Variants in KCNIP4 observed in about 807,000 individuals in gnomAD.
The protein encoded by KCNIP4 is potassium voltage-gated channel interacting protein 4.
KCNIP4 carries 12 observed loss-of-function variants against 34.0 expected under a neutral mutation model. That is an observed-to-expected ratio of 0.35 (90% CI 0.23 to 0.57). KCNIP4 has a LOEUF of 0.57. Ranked by LOEUF, KCNIP4 falls within the 20% of genes least tolerant of loss-of-function variation. KCNIP4 has a pLI of 0.83. For missense variants in KCNIP4, 238 were observed against 311.7 expected, an observed-to-expected ratio of 0.76 and a Z score of 1.78; for synonymous variants, 124 against 102.2, an observed-to-expected ratio of 1.21 and a Z score of -1.29.
At chr4:21,149,354 T>A (rs182402736) in intron 1 of KCNIP4, among the ~76,000 whole-genome samples, 19 of 152,326 alleles carry the variant, frequency 1.2e-4, no homozygotes, top group Non-Finnish European at 1.5e-5. Context: ...ACCACATAAC[T>A]GGAGCTTTAG....
intron 1 of KCNIP4, among the ~76,000 whole-genome samples, chr4:21,191,022 G>A (rs1388784127): frequency 3.3e-5 from 5 of 152,164 alleles, no homozygotes; most frequent in Non-Finnish European, 7.3e-5. Context: ...GAAAATAATA[G>A]CATTACACTG....
chr4:21,112,616 G>C (rs1050013765), intron 1 of KCNIP4, among the ~76,000 whole-genome samples: 3 of 152,184 alleles, frequency 2.0e-5, no homozygotes, highest in African/African-American at 7.2e-5. Context: ...ACTGTCTACT[G>C]GTAAATGGTT....
At chr4:21,347,905 G>C (rs975111971) in intron 1 of KCNIP4, among the ~76,000 whole-genome samples, 1 of 152,154 alleles carries the variant, frequency 6.6e-6, no homozygotes, top group Non-Finnish European at 1.5e-5. Flanking sequence ...CCATCTACAT[G>C]ATAGAATCAG....
At chr4:21,061,825 A>C (rs906683905) in intron 1 of KCNIP4, among the ~76,000 whole-genome samples, 2 of 152,118 alleles carry the variant, frequency 1.3e-5, no homozygotes, top group Non-Finnish European at 2.9e-5. Context: ...TTAAGTTAAA[A>C]TAGAGTCTTT....
In KCNIP4 at chr4:21,197,200, T is replaced by C. The variant is rs11723943; in HGVS notation, c.62-314491A>G. On this transcript the variant is annotated intron_variant, in intron 1 of 8. Coordinates refer to ENST00000382152, the MANE Select transcript of KCNIP4 (RefSeq NM_025221.6). ...GTTTCTAATATTTGGTTATTGTGAA[T>C]ATTAACTATTGCGAACATTCTTGCA... 6.9e-3 allele frequency among the ~76,000 whole-genome samples: 1,046 copies of C among 152,332 alleles called. 10 individuals carry two copies. The highest frequency in any genetic ancestry group is 0.016 in the East Asian group (83 of 5,190).
At chr4:21,072,689 C>T (rs1259386960) in intron 1 of KCNIP4, among the ~76,000 whole-genome samples, 1 of 152,076 alleles carries the variant, frequency 6.6e-6, no homozygotes, top group African/African-American at 2.4e-5. Flanking sequence ...GTTGCCATTG[C>T]TTTTCGTGTT....
At chr4:21,551,492 G>A (rs1483790727) in intron 1 of KCNIP4, among the ~76,000 whole-genome samples, 1 of 152,110 alleles carries the variant, frequency 6.6e-6, no homozygotes, top group Non-Finnish European at 1.5e-5. Context: ...TCATAGAAAT[G>A]TGACAGTCCA....
chr4:21,309,556 CAT>C (rs1359489821), intron 1 of KCNIP4, among the ~76,000 whole-genome samples: 1 of 152,164 alleles, frequency 6.6e-6, no homozygotes, highest in Admixed American at 6.5e-5. Flanking sequence ...GATAATAGCT[CAT>C]GTGTGTAGAA....
Position 21,415,424 on chromosome 4 carries a change from A to G in KCNIP4, c.62-532715T>C, listed in dbSNP as rs189399161. Among the ~76,000 whole-genome samples the G allele has an allele frequency of 7.9e-5, 12 of 152,148 alleles. No homozygotes were observed. The East Asian group carries it at 2.3e-3, about 29-fold the overall frequency. On this transcript the variant is annotated intron_variant, in intron 1 of 8. Coordinates refer to ENST00000382152, the MANE Select transcript of KCNIP4 (RefSeq NM_025221.6). ...ATAATATTGCACAACTAAATATTGC[A>G]TATTTAAAAAGGTAAGGGACACATT...
At chr4:20,992,409 C>A (rs538955144) in intron 1 of KCNIP4, among the ~76,000 whole-genome samples, 2 of 152,056 alleles carry the variant, frequency 1.3e-5, no homozygotes, top group African/African-American at 4.8e-5. Flanking sequence ...CACCTGGTCC[C>A]GCCCTTGACA....
chr4:20,838,330 A>G (rs1483817375), intron 3 of KCNIP4, among the ~76,000 whole-genome samples: 35 of 152,226 alleles, frequency 2.3e-4, no homozygotes, highest in Admixed American at 2.3e-3. Context: ...CTAAAACAAA[A>G]AAATGTCTTA....
chr4:20,845,222 T>A (rs1720218710), intron 3 of KCNIP4, among the ~76,000 whole-genome samples: 1 of 152,166 alleles, frequency 6.6e-6, no homozygotes, highest in Non-Finnish European at 1.5e-5. Context: ...AAGTCTCAAA[T>A]TCTGGGAGCC....
At chr4:21,842,042 CCTTGGCAGAACCTGTAA>C (rs1723718315) in intron 1 of KCNIP4, among the ~76,000 whole-genome samples, 4 of 152,142 alleles carry the variant, frequency 2.6e-5, no homozygotes, top group Non-Finnish European at 4.4e-5. Context: ...AAACCACATA[CCTTGGCAGAACCTGTAA>C]GTGCTGAAAA....
At chr4:21,239,863 C>T (rs536829014) in intron 1 of KCNIP4, among the ~76,000 whole-genome samples, 1 of 152,260 alleles carries the variant, frequency 6.6e-6, no homozygotes, top group Non-Finnish European at 1.5e-5. Flanking sequence ...ACCCAGCCAT[C>T]CCATTACTGG....
At chr4:21,091,824 A>G (rs1747021237) in intron 1 of KCNIP4, among the ~76,000 whole-genome samples, 1 of 152,164 alleles carries the variant, frequency 6.6e-6, no homozygotes, top group Non-Finnish European at 1.5e-5. Context: ...CTCCACCCTC[A>G]AGACCTGATT....
At chr4:21,870,336 A>G (rs1048486229) in intron 1 of KCNIP4, among the ~76,000 whole-genome samples, 4 of 152,154 alleles carry the variant, frequency 2.6e-5, no homozygotes, top group African/African-American at 4.8e-5. Flanking sequence ...CCAGGAAACT[A>G]CTAGTTATAA....
chr4:21,346,969 A>C (rs1163516255), intron 1 of KCNIP4, among the ~76,000 whole-genome samples: 1 of 152,154 alleles, frequency 6.6e-6, no homozygotes, highest in Non-Finnish European at 1.5e-5. Context: ...ACATCATTTT[A>C]ATTATTTTTA....
chr4:20,738,497 A>T (rs534505100), intron 5 of KCNIP4, among the ~76,000 whole-genome samples: 1 of 152,340 alleles, frequency 6.6e-6, no homozygotes, highest in African/African-American at 2.4e-5. Flanking sequence ...GGAAGCCTGT[A>T]CTGCTTCCAG....
intron 1 of KCNIP4, among the ~76,000 whole-genome samples, chr4:21,023,985 G>T (rs1740312979): frequency 6.6e-6 from 1 of 152,202 alleles, no homozygotes; most frequent in South Asian, 2.1e-4. Context: ...AGCATGCAAA[G>T]AAATTGGAAC....
Sources: allele counts gnomAD v4.1 joint callset (sites outside exome capture counted in the v4.1 genomes callset), GRCh38; gene constraint gnomAD v4.1.1; transcripts MANE v1.5; gene names NCBI Gene and HGNC (gene_info 2026-07-23, HGNC 2026-07-21).